The following GPC6 variants were observed in gnomAD, a reference collection of about 807,000 sequenced individuals.
The protein encoded by GPC6 is glypican-6.
Under a neutral mutation model 55.2 loss-of-function variants are expected in GPC6, and 14 were observed. The ratio of observed to expected loss-of-function variants is 0.25; its 90% CI spans 0.17 to 0.40. GPC6 has a LOEUF of 0.40. GPC6 is among the 10% of genes least tolerant of loss of function. GPC6 has a pLI of 1.00. For missense variants in GPC6, 641 were observed against 708.5 expected, an observed-to-expected ratio of 0.90 and a Z score of 1.08; for synonymous variants, 278 against 259.6, an observed-to-expected ratio of 1.07 and a Z score of -0.68.
intron 1 of GPC6, among the ~76,000 whole-genome samples, chr13:93,389,100 G>A (rs1875515970): frequency 6.6e-6 from 1 of 152,006 alleles, no homozygotes; most frequent in South Asian, 2.1e-4. Context: ...ATTACTATTG[G>A]GTGAGTTTCA....
chr13:93,561,404 G>GATATATATATATATATATATAT lies in GPC6; in HGVS notation c.319+15984_319+16005dup, dbSNP rs66957373. ...AATAATTGCATACTATATCCCTATC[G>GATATATATATATATATATATAT]ATATATATATATATATATATATTTG... On this transcript the variant is annotated intron_variant, in intron 2 of 8. Coordinates refer to ENST00000377047, the MANE Select transcript of GPC6 (RefSeq NM_005708.5). Among the ~76,000 whole-genome samples the GATATATATATATATATATATAT allele has an allele frequency of 4.9e-3, 516 of 104,514 alleles. 26 individuals are homozygous for GATATATATATATATATATATAT. The highest frequency in any genetic ancestry group is 9.2e-3 in the African/African-American group (222 of 24,050). 68.6% of individuals were successfully genotyped at this position (104,514 alleles called of 152,430 possible).
chr13:93,732,533 C>A (rs1281233137), intron 2 of GPC6, among the ~76,000 whole-genome samples: 1 of 152,108 alleles, frequency 6.6e-6, no homozygotes, highest in Non-Finnish European at 1.5e-5. Context: ...ATTAGGTTTC[C>A]AGTGTTGGAG....
chr13:93,937,984 G>T (rs550114044), intron 3 of GPC6, among the ~76,000 whole-genome samples: 5 of 152,196 alleles, frequency 3.3e-5, no homozygotes, highest in Admixed American at 3.3e-4. Flanking sequence ...TTTAAATACA[G>T]AATTGCCTTA....
chr13:93,774,714 C>A (rs1316306033), intron 2 of GPC6, among the ~76,000 whole-genome samples: 2 of 152,062 alleles, frequency 1.3e-5, no homozygotes, highest in Admixed American at 1.3e-4. Flanking sequence ...TTCAGAGACC[C>A]CAGTGAGACA....
At chr13:93,376,649 T>C (rs761920272) in intron 1 of GPC6, among the ~76,000 whole-genome samples, 3 of 152,224 alleles carry the variant, frequency 2.0e-5, no homozygotes, top group East Asian at 1.9e-4. Context: ...ACATCTTTAA[T>C]TGCAGACCTA....
intron 4 of GPC6, among the ~76,000 whole-genome samples, chr13:94,258,669 A>G (rs1359842977): frequency 1.3e-5 from 2 of 152,214 alleles, no homozygotes; most frequent in Admixed American, 6.5e-5. Context: ...TTTTCCAAAC[A>G]TGGCAAAGGC....
chr13:93,800,384 C>T (rs2138936329), intron 2 of GPC6, among the ~76,000 whole-genome samples: 1 of 152,122 alleles, frequency 6.6e-6, no homozygotes, highest in South Asian at 2.1e-4. Context: ...TTTAGAGGGT[C>T]CTAACTGAGG....
At chr13:93,953,424 T>C (rs1055690358) in intron 3 of GPC6, among the ~76,000 whole-genome samples, 4 of 152,190 alleles carry the variant, frequency 2.6e-5, no homozygotes, top group Non-Finnish European at 4.4e-5. Flanking sequence ...TCATTTTTAT[T>C]CATTATTGTC....
chr13:93,935,743 C>A (rs1878406580), intron 3 of GPC6, among the ~76,000 whole-genome samples: 1 of 152,086 alleles, frequency 6.6e-6, no homozygotes, highest in Non-Finnish European at 1.5e-5. Flanking sequence ...CAGAGCATGC[C>A]AACATATATA....
chr13:94,005,888 G>T (rs1282289361), intron 3 of GPC6, among the ~76,000 whole-genome samples: 1 of 152,010 alleles, frequency 6.6e-6, no homozygotes, highest in Non-Finnish European at 1.5e-5. Context: ...GTCTAAATTA[G>T]ATCAGTTATT....
At chr13:93,895,987 G>T (rs1489913250) in intron 3 of GPC6, among the ~76,000 whole-genome samples, 1 of 151,972 alleles carries the variant, frequency 6.6e-6, no homozygotes. Context: ...GCTTAATAGG[G>T]TGACTATAAT....
At chr13:94,129,616 G>T (rs1886941772) in intron 4 of GPC6, among the ~76,000 whole-genome samples, 2 of 152,132 alleles carry the variant, frequency 1.3e-5, no homozygotes, top group Admixed American at 1.3e-4. Context: ...ATAAGCCCTA[G>T]CAGAGCGAGT....
At chr13:93,935,619 A>G (rs188622424) in intron 3 of GPC6, among the ~76,000 whole-genome samples, 4 of 152,318 alleles carry the variant, frequency 2.6e-5, no homozygotes, top group African/African-American at 9.6e-5. Context: ...GCTATTATAA[A>G]GTTTAAAATT....
intron 2 of GPC6, among the ~76,000 whole-genome samples, chr13:93,739,622 A>G (rs7325393): frequency 0.96 from 145,755 of 151,994 alleles, 69,935 homozygotes; most frequent in African/African-American, 0.99. Flanking sequence ...GTAGAGACGG[A>G]GTTTCACCTT....
chr13:93,462,884 G>T (rs966857861), intron 1 of GPC6, among the ~76,000 whole-genome samples: 1 of 151,974 alleles, frequency 6.6e-6, no homozygotes, highest in Non-Finnish European at 1.5e-5. Context: ...TCCTTTTCCC[G>T]TGCCCTGCCC....
chr13:93,247,741 T>G (rs1467003107), intron 1 of GPC6, among the ~76,000 whole-genome samples: 1 of 152,180 alleles, frequency 6.6e-6, no homozygotes, highest in Non-Finnish European at 1.5e-5. Flanking sequence ...ACACACCTAT[T>G]ATGAATAATC....
intron 2 of GPC6, among the ~76,000 whole-genome samples, chr13:93,735,520 C>CA (rs35851863): frequency 0.25 from 31,273 of 123,230 alleles, 3,699 homozygotes; most frequent in Admixed American, 0.31. Flanking sequence ...GACTCCATCT[C>CA]AAAAAAAAAA....
the GPC6 span, among the ~76,000 whole-genome samples, chr13:93,218,345 T>C: frequency 6.6e-6 from 1 of 152,204 alleles, no homozygotes; most frequent in South Asian, 2.1e-4. Flanking sequence ...TAGAATTCTC[T>C]GTGGCTGATA....
chr13:93,800,030 T>C lies in GPC6; in HGVS notation c.320-30124T>C, dbSNP rs1232729633. ...GGAGCTTACATTTCTGATACCTTCATTTCTCATCCATTAACACGATTTACA... is the reference window on the plus strand; with the variant it reads ...GGAGCTTACATTTCTGATACCTTCACTTCTCATCCATTAACACGATTTACA... On this transcript the variant is annotated intron_variant, in intron 2 of 8. Coordinates refer to ENST00000377047, the MANE Select transcript of GPC6 (RefSeq NM_005708.5). 2.6e-5 allele frequency among the ~76,000 whole-genome samples: 4 copies of C among 152,190 alleles called. No homozygotes were observed. The East Asian group carries it at 7.7e-4, about 29-fold the overall frequency.
Sources: allele counts gnomAD v4.1 joint callset (sites outside exome capture counted in the v4.1 genomes callset), GRCh38; gene constraint gnomAD v4.1.1; transcripts MANE v1.5; gene names NCBI Gene and HGNC (gene_info 2026-07-23, HGNC 2026-07-21).